Variants in TMEM255B observed in about 807,000 individuals in gnomAD.
TMEM255B encodes transmembrane protein 255B, also known as family with sequence similarity 70, member B.
A neutral mutation model predicts 34.5 loss-of-function variants in TMEM255B; 35 were observed. That is an observed-to-expected ratio of 1.01 (90% CI 0.77 to 1.34). The LOEUF is 1.34. Ranked by LOEUF, TMEM255B falls within the 40% of genes most tolerant of loss-of-function variation. The probability of loss-of-function intolerance (pLI) is 0.00; values close to 1 mark genes in which losing one functional copy is unlikely to be tolerated. For missense variants in TMEM255B, 432 were observed against 433.2 expected (o/e 1.00, Z 0.02); for synonymous variants, 206 against 201.2 (o/e 1.02, Z -0.20).
At chr13:113,768,862 T>A (rs2050433581) in intron 2 of TMEM255B, 1 of 611,188 alleles carries the variant, frequency 1.6e-6, no homozygotes, top group Middle Eastern at 3.2e-4. Flanking sequence ...GCCAAACAGA[T>A]GCATCATTAA....
Position 113,800,661 on chromosome 13 carries a change from G to A in TMEM255B, c.424-166G>A, listed in dbSNP as rs537089361. Among the ~76,000 whole-genome samples the A allele has an allele frequency of 1.7e-4, 26 of 152,202 alleles. No individual in the cohort carries two copies. The East Asian group carries it at 1.7e-3, about 10-fold the overall frequency. On this transcript the variant is annotated intron_variant, in intron 5 of 8. Coordinates refer to ENST00000375353, the MANE Select transcript of TMEM255B (RefSeq NM_182614.4). ...TCCTGCAGGAAGGGTCCTGGCCCCC[G>A]AGCCCCCAAGCCTCTGTGTCTGGAG... is the stretch of plus-strand genomic sequence containing the variant.
At chr13:113,791,320 T>G (rs760845400) in intron 3 of TMEM255B, among the ~76,000 whole-genome samples, 317 of 152,266 alleles carry the variant, frequency 2.1e-3, no homozygotes, top group Non-Finnish European at 3.9e-3. Flanking sequence ...CACCCACTTC[T>G]GAAAGTGGCC....
Position 113,767,055 on chromosome 13 carries a change from G to A in TMEM255B, c.189+798G>A, listed in dbSNP as rs113062975. On this transcript the variant is annotated intron_variant, in intron 2 of 8. Coordinates refer to ENST00000375353, the MANE Select transcript of TMEM255B (RefSeq NM_182614.4). ...ACATGCCCCAGAGCCTGGTTGCTAC[G>A]TCATAAAGTGCTAAAGCAAGATTTT... Among the ~76,000 whole-genome samples the A allele has an allele frequency of 7.5e-3, 1,145 of 152,284 alleles. 11 individuals are homozygous for A. The highest frequency in any genetic ancestry group is 0.041 in the Middle Eastern group (12 of 294).
At chr13:113,799,518 T>A (rs2051003592) in intron 5 of TMEM255B, 99 bp downstream of exon 5, 1 of 1,138,906 alleles carries the variant, frequency 8.8e-7, no homozygotes, top group African/African-American at 1.5e-5. Flanking sequence ...AATATTTTGA[T>A]TCTAATAGTT....
chr13:113,773,307 A>G (rs1424090119), intron 3 of TMEM255B, among the ~76,000 whole-genome samples: 2 of 152,206 alleles, frequency 1.3e-5, no homozygotes, highest in Non-Finnish European at 2.9e-5. Flanking sequence ...TGTGGAACTC[A>G]TTTCTTTGTT....
intron 3 of TMEM255B, among the ~76,000 whole-genome samples, chr13:113,785,836 G>A (rs542808898): frequency 6.6e-6 from 1 of 152,266 alleles, no homozygotes; most frequent in Admixed American, 6.5e-5. Context: ...CTGGGATAGT[G>A]GCTTGACGTA....
chr13:113,759,441 C>T, intron 1 of TMEM255B, 126 bp downstream of exon 1: 2 of 839,102 alleles, frequency 2.4e-6, no homozygotes, highest in Non-Finnish European at 3.2e-6. Context: ...GGGTCTGGTC[C>T]CTCCGCCTCC....
chr13:113,763,634 T>A (rs2050342876), intron 1 of TMEM255B, among the ~76,000 whole-genome samples: 1 of 152,246 alleles, frequency 6.6e-6, no homozygotes, highest in Non-Finnish European at 1.5e-5. Flanking sequence ...CCATAAGATT[T>A]TATGCCTACT....
chr13:113,794,888 G>A (rs1218345078), intron 3 of TMEM255B, among the ~76,000 whole-genome samples: 4 of 152,234 alleles, frequency 2.6e-5, no homozygotes, highest in African/African-American at 2.4e-5. Context: ...TCTCAGAGGC[G>A]CGTGCCGAGG....
At chr13:113,763,485 C>T (rs115572980) in intron 1 of TMEM255B, among the ~76,000 whole-genome samples, 2,008 of 152,184 alleles carry the variant, frequency 0.013, 49 homozygotes, top group African/African-American at 0.046. Context: ...TCCTGTCTCT[C>T]GGGCAAACGA....
intron 8 of TMEM255B, among the ~76,000 whole-genome samples, chr13:113,805,897 C>T (rs7491088): frequency 0.014 from 2,056 of 152,280 alleles, 129 homozygotes; most frequent in Admixed American, 0.11. Context: ...GGTCCTTTTG[C>T]GTGAGTTAAC....
Position 113,769,253 on chromosome 13 carries a change from C to T in TMEM255B, c.252+93C>T, listed in dbSNP as rs2140806383. ...GCTCTGAGAAGAGTCAGCCCTGCCTCCCCAGCACACTGGTGTCTACAGGAC... is the reference window on the plus strand; with the variant it reads ...GCTCTGAGAAGAGTCAGCCCTGCCTTCCCAGCACACTGGTGTCTACAGGAC... On this transcript the variant is annotated intron_variant, in intron 3 of 8. Coordinates refer to ENST00000375353, the MANE Select transcript of TMEM255B (RefSeq NM_182614.4). The surrounding 1 kb of genome is among the most constrained non-coding windows in gnomAD (Gnocchi z 4.2). 2.2e-6 allele frequency: 3 copies of T among 1,376,216 alleles called. No homozygotes were observed. The highest frequency in any genetic ancestry group is 1.4e-5 in the African/African-American group (1 of 70,162). The allele number at this position is 1,376,216 out of a possible 1,614,324, so 85.3% of individuals were successfully genotyped here.
chr13:113,799,892 G>A, intron 5 of TMEM255B: 1 of 1,170,736 alleles, frequency 8.5e-7, no homozygotes, highest in Non-Finnish European at 1.2e-6. Flanking sequence ...GCACAGCTCT[G>A]TGACGGCGCT....
Position 113,769,139 on chromosome 13 carries a change from G to T in TMEM255B, c.231G>T (p.Leu77Phe). Residue 77 changes from leucine to phenylalanine, a missense_variant, in exon 3 of 9, where the codon TTG (leucine) becomes TTT (phenylalanine). Physicochemically the swap from Leu to Phe is conservative, Grantham distance 22. Coordinates refer to ENST00000375353, the MANE Select transcript of TMEM255B (RefSeq NM_182614.4). The surrounding 1 kb of genome is among the most constrained non-coding windows in gnomAD (Gnocchi z 4.2). Reference sequence around the variant, plus strand: ...TCTTAGGAATTATTGGCATCAACTTGGTGGAGAATAGAAGGCAAATGGTAA... The same window carrying T: ...TCTTAGGAATTATTGGCATCAACTTTGTGGAGAATAGAAGGCAAATGGTAA... ...GSFLGIIGIN[L>F]VENRRQMLVA... The T allele has an allele frequency of 6.2e-7, 1 of 1,614,182 alleles. No homozygotes were observed. The highest frequency in any genetic ancestry group is 1.3e-5 in the African/African-American group (1 of 75,050).
rs954093948 is a variant in TMEM255B at position 113,808,215 on chromosome 13, G to A, written c.813+3187G>A. On this transcript the variant is annotated intron_variant, in intron 8 of 8. Transcript: ENST00000375353. The stretch of plus-strand genomic sequence containing the variant: ...TCCCACTTGAGACAGTGGGGGATGG[G>A]GAACAGTGACTTGGTGGGGGAGGTT... 2.6e-5 allele frequency among the ~76,000 whole-genome samples: 4 copies of A among 152,260 alleles called. No homozygotes were observed. In the South Asian group the frequency reaches 8.3e-4, roughly 32 times the overall value.
In TMEM255B at chr13:113,801,664, C is replaced by T. The variant is rs145420959; in HGVS notation, c.521C>T (p.Ser174Leu). The change falls in exon 7 of 9, where the codon TCG becomes TTG. Residue 174 changes from serine (S) to leucine (L), a missense_variant. Ser to Leu is a moderately radical substitution (Grantham distance 145). Transcript: ENST00000375353. ...CCCTCTCTGTGCAGCGCAGAGCCCTCGCCCGCCTACTATGAGTTCATCGGC... is the reference window on the plus strand; with the variant it reads ...CCCTCTCTGTGCAGCGCAGAGCCCTTGCCCGCCTACTATGAGTTCATCGGC... Reference protein sequence around the residue: ...DLYACGSAEPSPAYYEFIGVS... With the variant: ...DLYACGSAEPLPAYYEFIGVS... The T allele has an allele frequency of 2.6e-5, 42 of 1,609,522 alleles. No homozygotes were observed. The highest frequency in any genetic ancestry group is 1.7e-4 in the Middle Eastern group (1 of 6,040).
chr13:113,794,858 C>T (rs539729538), intron 3 of TMEM255B, among the ~76,000 whole-genome samples: 3 of 152,354 alleles, frequency 2.0e-5, no homozygotes, highest in African/African-American at 2.4e-5. Flanking sequence ...TGGGCACACG[C>T]CCTGCCGTCT....
intron 5 of TMEM255B, 47 bp downstream of exon 5, chr13:113,799,466 C>T (rs752170142): frequency 9.5e-6 from 15 of 1,581,206 alleles, no homozygotes; most frequent in East Asian, 4.5e-5. Context: ...CAGCTAACCC[C>T]GCCGACCCCA....
intron 3 of TMEM255B, among the ~76,000 whole-genome samples, chr13:113,783,997 G>C (rs1183695952): frequency 6.6e-6 from 1 of 152,132 alleles, no homozygotes; most frequent in East Asian, 1.9e-4. Context: ...AAGTTGTCAA[G>C]GTCCCTGAGA....
Sources: gnomAD v4.1 joint callset for allele counts (sites outside exome capture counted in the v4.1 genomes callset) on GRCh38, gnomAD v4.1.1 for gene constraint, Gnocchi (gnomAD v3.1) non-coding constraint, MANE v1.5 for transcripts, NCBI Gene and HGNC (gene_info 2026-07-23, HGNC 2026-07-21) for gene names.